The following OXR1 variants were observed in gnomAD, a reference collection of about 807,000 sequenced individuals.
OXR1 encodes the protein oxidation resistance protein 1.
OXR1 carries 41 observed loss-of-function variants against 104.6 expected under a neutral mutation model. The ratio of observed to expected loss-of-function variants is 0.39; its 90% confidence interval spans 0.31 to 0.51. The LOEUF (loss-of-function observed/expected upper bound fraction) is 0.51, where lower values mean the gene tolerates loss of function less well. Among genes scored for constraint, OXR1 ranks in the 20% least tolerant of loss-of-function variants. The pLI, the probability that OXR1 is intolerant of heterozygous loss-of-function variation, is 0.77. For synonymous variants in OXR1, 348 were observed against 348.4 expected, an observed-to-expected ratio of 1.00 and a Z score of 0.01; for missense variants, 955 against 1,031.9, an observed-to-expected ratio of 0.93 and a Z score of 1.02.
chr8:106,310,456 A>G (rs1456204965), intron 1 of OXR1, among the ~76,000 whole-genome samples: 7 of 151,814 alleles, frequency 4.6e-5, no homozygotes, highest in African/African-American at 1.5e-4. Flanking sequence ...ATTTCCCTTC[A>G]CTGTCATCCT....
intron 3 of OXR1, among the ~76,000 whole-genome samples, chr8:106,555,552 T>A (rs978810747): frequency 2.0e-5 from 3 of 152,056 alleles, no homozygotes; most frequent in Non-Finnish European, 4.4e-5. Context: ...AGTCTATAGA[T>A]GAGAAATCCC....
At chr8:106,572,647 AT>A (rs200357070) in intron 3 of OXR1, among the ~76,000 whole-genome samples, 7 of 151,978 alleles carry the variant, frequency 4.6e-5, no homozygotes, top group African/African-American at 1.5e-4. Context: ...TTCAGCCAAG[AT>A]TTTTTTTGCT....
rs1815055861 is a variant in OXR1 at position 106,542,753 on chromosome 8, T to C, written c.220+23614T>C. 2.6e-5 allele frequency among the ~76,000 whole-genome samples: 4 copies of C among 152,084 alleles called. No homozygotes were observed. In the South Asian group the frequency reaches 8.3e-4, roughly 32 times the overall value. The stretch of plus-strand genomic sequence containing the variant: ...TAGTATCGCTGCAAGAAAGTAAATT[T>C]CTCATTATTTAGCTTGATGCCTAGG... On this transcript the variant is annotated intron_variant, in intron 3 of 16. Coordinates refer to ENST00000517566, the MANE Select transcript of OXR1 (RefSeq NM_001198533.2).
At position 106,751,572 on chromosome 8, in the gene OXR1, A is replaced by G. The variant is rs1405555831; in HGVS notation, c.*631A>G. The G allele has an allele frequency of 6.6e-6, 1 of 152,604 alleles. No homozygotes were observed. Among genetic ancestry groups the G allele is most frequent in the Non-Finnish European group, 1.5e-5 (1 of 68,012 alleles). The allele number at this position is 152,604 out of a possible 1,614,324, so 9.5% of individuals were successfully genotyped here. ...AGGAGAATTCTGGTTGTAATAGATG[A>G]CAGTACATATGATCTGCAGGTTTGG... is the stretch of plus-strand genomic sequence containing the variant. On this transcript the variant is annotated 3_prime_UTR_variant, in exon 17 of 17. Coordinates refer to ENST00000517566, the MANE Select transcript of OXR1 (RefSeq NM_001198533.2).
At chr8:106,577,207 TTTTG>T (rs1339501170) in intron 3 of OXR1, among the ~76,000 whole-genome samples, 1 of 150,008 alleles carries the variant, frequency 6.7e-6, no homozygotes, top group Non-Finnish European at 1.5e-5. Flanking sequence ...TTTTGTTTTG[TTTTG>T]TTTTTTGTTT....
At chr8:106,294,848 CAT>C (rs1003456236) in intron 1 of OXR1, among the ~76,000 whole-genome samples, 7 of 152,290 alleles carry the variant, frequency 4.6e-5, no homozygotes, top group Non-Finnish European at 8.8e-5. Context: ...AAACTTAACT[CAT>C]GTGCCACTTT....
intron 1 of OXR1, among the ~76,000 whole-genome samples, chr8:106,316,992 T>G (rs949450869): frequency 3.3e-5 from 5 of 152,102 alleles, no homozygotes; most frequent in Non-Finnish European, 5.9e-5. Flanking sequence ...TGCCTCAGCC[T>G]CCTGAGTAGC....
intron 2 of OXR1, among the ~76,000 whole-genome samples, chr8:106,500,995 A>T (rs1267022673): frequency 6.6e-6 from 1 of 152,190 alleles, no homozygotes; most frequent in African/African-American, 2.4e-5. Context: ...TGACAAATTG[A>T]AGTTGGGTGA....
intron 2 of OXR1, among the ~76,000 whole-genome samples, chr8:106,479,112 A>G (rs977488464): frequency 1.3e-5 from 2 of 152,012 alleles, no homozygotes; most frequent in Non-Finnish European, 2.9e-5. Context: ...CACTTTTACA[A>G]TTCCATCCTA....
intron 2 of OXR1, among the ~76,000 whole-genome samples, chr8:106,395,739 A>G (rs1817750974): frequency 6.6e-6 from 1 of 152,118 alleles, no homozygotes. Context: ...CCAAGAAGCA[A>G]TGATACACTA....
rs142902873 is a variant in OXR1, at chr8:106,493,163, C to T, written c.24-25780C>T. Among the ~76,000 whole-genome samples the T allele has an allele frequency of 7.6e-3, 1,162 of 152,132 alleles. 16 individuals are homozygous for T. Among genetic ancestry groups the T allele is most frequent in the African/African-American group, 0.025 (1,044 of 41,500 alleles). On this transcript the variant is annotated intron_variant, in intron 2 of 16. Coordinates refer to ENST00000517566, the MANE Select transcript of OXR1 (RefSeq NM_001198533.2). Reference sequence around the variant, plus strand: ...ATATGGGTAGCTAACTGGTGGGGACCTTTTGGGTTAAGCAATGTTGCAACT... The same window carrying T: ...ATATGGGTAGCTAACTGGTGGGGACTTTTTGGGTTAAGCAATGTTGCAACT...
At chr8:106,408,198 C>T (rs1477709697) in intron 2 of OXR1, among the ~76,000 whole-genome samples, 2 of 152,100 alleles carry the variant, frequency 1.3e-5, no homozygotes, top group Admixed American at 1.3e-4. Flanking sequence ...CTTGCCAAAG[C>T]CAAGAATGGT....
chr8:106,487,109 C>A (rs1252805897), intron 2 of OXR1, among the ~76,000 whole-genome samples: 1 of 149,418 alleles, frequency 6.7e-6, no homozygotes, highest in Non-Finnish European at 1.5e-5. Context: ...CTGCAAACTT[C>A]ACCTCCCGGG....
chr8:106,685,605 C>T (rs1339787333), intron 6 of OXR1, among the ~76,000 whole-genome samples: 3 of 151,872 alleles, frequency 2.0e-5, no homozygotes, highest in African/African-American at 7.3e-5. Context: ...TCTTTTAATC[C>T]TCAGTGACTT....
intron 11 of OXR1, among the ~76,000 whole-genome samples, chr8:106,715,261 G>A (rs1211417328): frequency 2.0e-5 from 3 of 151,728 alleles, no homozygotes; most frequent in Non-Finnish European, 2.9e-5. Context: ...GGCAAAACTA[G>A]TCAGAAATCC....
intron 9 of OXR1, among the ~76,000 whole-genome samples, chr8:106,710,131 ATAT>A (rs1330948242): frequency 6.6e-6 from 1 of 152,148 alleles, no homozygotes; most frequent in Non-Finnish European, 1.5e-5. Flanking sequence ...AGAATCTAAC[ATAT>A]TATTGACTGT....
intron 3 of OXR1, among the ~76,000 whole-genome samples, chr8:106,578,819 C>A (rs975551959): frequency 6.6e-5 from 10 of 152,136 alleles, no homozygotes; most frequent in African/African-American, 2.4e-4. Context: ...GTTATATATT[C>A]ATCAGCTCAG....
At chr8:106,598,343 GT>G (rs551283607) in intron 3 of OXR1, among the ~76,000 whole-genome samples, 44 of 152,268 alleles carry the variant, frequency 2.9e-4, no homozygotes, top group African/African-American at 9.6e-4. Context: ...GCTAACTTCA[GT>G]TTTTCCTGCC....
At position 106,671,044 on chromosome 8, in the gene OXR1, C is replaced by CAAAAAAAAAAAAAAAAAAAAA. The variant is rs60404483; in HGVS notation, c.221-8147_221-8146insAAAAAAAAAAAAAAAAAAAAA. 8.8e-4 allele frequency among the ~76,000 whole-genome samples: 43 copies of CAAAAAAAAAAAAAAAAAAAAA among 48,912 alleles called. 1 individual carries two copies. Among genetic ancestry groups the CAAAAAAAAAAAAAAAAAAAAA allele is most frequent in the African/African-American group, 2.8e-3 (23 of 8,148 alleles). 32.1% of individuals were successfully genotyped at this position (48,912 alleles called of 152,430 possible). A position where few individuals can be genotyped will look rare whatever the true frequency, so the allele number is the denominator to read the frequency against. ...TGGGTGACAGAGTGAGACTCTGTCT[C>CAAAAAAAAAAAAAAAAAAAAA]AAAAAAAAAAAAAAAAAAAGAATGG... is the stretch of plus-strand genomic sequence containing the variant. On this transcript the variant is annotated intron_variant, in intron 3 of 16. Transcript: ENST00000517566.
Sources: allele counts gnomAD v4.1 joint callset (sites outside exome capture counted in the v4.1 genomes callset), GRCh38; gene constraint gnomAD v4.1.1; transcripts MANE v1.5; gene names NCBI Gene and HGNC (gene_info 2026-07-23, HGNC 2026-07-21).